The following TIMM22 variants were observed in gnomAD, a reference collection of about 807,000 sequenced individuals.
The protein encoded by TIMM22 is translocase of inner mitochondrial membrane 22.
A neutral mutation model predicts 18.3 loss-of-function variants in TIMM22; 12 were observed. That is an observed-to-expected ratio of 0.65 (90% CI 0.42 to 1.06). The LOEUF (loss-of-function observed/expected upper bound fraction) is 1.06. Among genes scored for constraint, TIMM22 ranks in the 50% least tolerant of loss-of-function variants. The pLI is 0.00. For missense variants in TIMM22, 278 were observed against 252.8 expected (o/e 1.10, Z -0.68); for synonymous variants, 107 against 98.5 (o/e 1.09, Z -0.51).
intron 1 of TIMM22, 138 bp from the exon 2 acceptor site, chr17:998,641 G>A (rs762992442): frequency 1.6e-4 from 121 of 774,144 alleles, no homozygotes; most frequent in Non-Finnish European, 2.3e-4. Context: ...CTCCAGGCAA[G>A]TGGAGAGTTT....
At chr17:997,558 A>G (rs2069696457) in intron 1 of TIMM22, among the ~76,000 whole-genome samples, 178 bp downstream of exon 1, 1 of 152,202 alleles carries the variant, frequency 6.6e-6, no homozygotes, top group Non-Finnish European at 1.5e-5. Flanking sequence ...GGCTTTCCTG[A>G]TGAAAATTGG....
Position 999,502 on chromosome 17 carries a change from CT to C in TIMM22, c.436-9del. On this transcript the variant is annotated splice_polypyrimidine_tract_variant and intron_variant, in intron 2 of 3. Transcript: ENST00000327158. The stretch of plus-strand genomic sequence containing the variant: ...TTCTTTGGCTCTAACGTGTACTTCC[CT>C]GCCCACAGTACCGGGGAACATCAGA... The C allele has an allele frequency of 6.2e-7, 1 of 1,613,250 alleles. No homozygotes were observed. Among genetic ancestry groups the C allele is most frequent in the Non-Finnish European group, 8.5e-7 (1 of 1,179,636 alleles).
At chr17:998,679 A>G (rs895790594) in intron 1 of TIMM22, 100 bp from the exon 2 acceptor site, 1 of 1,315,320 alleles carries the variant, frequency 7.6e-7, no homozygotes, top group Non-Finnish European at 1.0e-6. Context: ...TGTCCTCTGC[A>G]CCGGTGGTCA....
chr17:1,000,892 TTGAA>T, intron 3 of TIMM22, 116 bp from the exon 4 acceptor site: 1 of 953,038 alleles, frequency 1.0e-6, no homozygotes, highest in Non-Finnish European at 1.7e-6. Context: ...CTATGATCGT[TTGAA>T]TGACTTACAG....
At position 1,001,665 on chromosome 17, in the gene TIMM22, A is replaced by G. The variant is rs2069749659; in HGVS notation, c.*577A>G. The G allele has an allele frequency of 6.5e-6, 1 of 152,746 alleles. No homozygotes were observed. The highest frequency in any genetic ancestry group is 2.4e-5 in the African/African-American group (1 of 41,400). The allele number at this position is 152,746 out of a possible 1,614,324, so 9.5% of individuals were successfully genotyped here. A position where few individuals can be genotyped will look rare whatever the true frequency, so the allele number is the denominator to read the frequency against. On this transcript the variant is annotated 3_prime_UTR_variant, in exon 4 of 4. Coordinates refer to ENST00000327158, the MANE Select transcript of TIMM22 (RefSeq NM_013337.4). ...TGGTTTATTTGTATTTTATTTTCAA[A>G]TTCCCTATTCCAAAAATAGTGCCGG...
In TIMM22 at chr17:997,136, G is replaced by A. The variant is rs543217051; in HGVS notation, c.-7G>A. The A allele has an allele frequency of 2.2e-5, 35 of 1,608,274 alleles. No individual in the cohort carries two copies. The highest frequency in any genetic ancestry group is 1.6e-4 in the East Asian group (7 of 44,812). ...AGGACGCGAGGGTTGCTTGGGCAGC[G>A]ACTGTCATGGCGGCGGCCGCCCCCA... On this transcript the variant is annotated 5_prime_UTR_variant, in exon 1 of 4. Transcript: ENST00000327158.
At chr17:999,049 TA>T in intron 2 of TIMM22, 74 bp downstream of exon 2, 1 of 1,479,330 alleles carries the variant, frequency 6.8e-7, no homozygotes, top group Non-Finnish European at 9.1e-7. Flanking sequence ...AATTGCTCTT[TA>T]AAAGTCATTT....
In TIMM22 at chr17:1,000,176, G is replaced by A. The variant is rs548336218; in HGVS notation, c.508+592G>A. On this transcript the variant is annotated intron_variant, in intron 3 of 3. Coordinates refer to ENST00000327158, the MANE Select transcript of TIMM22 (RefSeq NM_013337.4). The stretch of plus-strand genomic sequence containing the variant: ...TGGGATTACAGGCATGAGCCACCAC[G>A]TGTGGCCAACATTTTTCTCAGTAAT... Among the ~76,000 whole-genome samples, 6 of 152,112 alleles carry A rather than the reference G, an allele frequency of 3.9e-5. No individual in the cohort carries two copies. The East Asian group carries it at 7.7e-4, about 20-fold the overall frequency.
intron 2 of TIMM22, 95 bp downstream of exon 2, chr17:999,070 T>C: frequency 1.5e-6 from 2 of 1,355,414 alleles, no homozygotes; most frequent in Non-Finnish European, 2.0e-6. Flanking sequence ...TGAAAGTTGT[T>C]ACTAGAAAGC....
intron 3 of TIMM22, among the ~76,000 whole-genome samples, 185 bp downstream of exon 3, chr17:999,769 G>A (rs2069724581): frequency 2.6e-5 from 4 of 152,018 alleles, no homozygotes; most frequent in East Asian, 1.9e-4. Context: ...GTTTCCCATC[G>A]TTGGCACTAC....
intron 3 of TIMM22, among the ~76,000 whole-genome samples, chr17:1,000,091 A>G (rs1044680137): frequency 1.6e-4 from 24 of 146,084 alleles, no homozygotes; most frequent in Admixed American, 4.8e-4. Context: ...GTAGAGATCA[A>G]TTTCACCTGG....
chr17:999,453 CCTT>C, intron 2 of TIMM22, 56 bp from the exon 3 acceptor site: 1 of 1,584,888 alleles, frequency 6.3e-7, no homozygotes, highest in Non-Finnish European at 8.6e-7. Context: ...GTGTATTCCT[CCTT>C]AATGGTCTGC....
At chr17:1,000,069 T>TTTTTTTTTA (rs879827893) in intron 3 of TIMM22, among the ~76,000 whole-genome samples, 11 of 151,772 alleles carry the variant, frequency 7.2e-5, no homozygotes, top group Non-Finnish European at 1.6e-4. Flanking sequence ...TCAGCTAATT[T>TTTTTTTTTA]TTATTTTTTT....
At chr17:999,356 T>C (rs55776658) in intron 2 of TIMM22, among the ~76,000 whole-genome samples, 156 bp from the exon 3 acceptor site, 6,719 of 113,874 alleles carry the variant, frequency 0.059, 339 homozygotes, top group Middle Eastern at 0.14. Flanking sequence ...TATATATATA[T>C]ATACACGCTG....
chr17:1,002,599 G>GTCTC lies in TIMM22; in HGVS notation c.*1512_*1515dup. Reference sequence around the variant, plus strand: ...TGAATTCTATATAACGCCCCTCCCAGTCTCACAGCTAGGAGGCTTCATCAC... The same window carrying GTCTC: ...TGAATTCTATATAACGCCCCTCCCAGTCTCTCTCACAGCTAGGAGGCTTCATCAC... On this transcript the variant is annotated 3_prime_UTR_variant, in exon 4 of 4. Coordinates refer to ENST00000327158, the MANE Select transcript of TIMM22 (RefSeq NM_013337.4). The GTCTC allele has an allele frequency of 6.6e-6, 1 of 152,284 alleles. No individual in the cohort carries two copies. 9.4% of individuals were successfully genotyped at this position (152,284 alleles called of 1,614,324 possible). A position where few individuals can be genotyped will look rare whatever the true frequency, so the allele number is the denominator to read the frequency against.
rs2150669982 is a variant in TIMM22, at chr17:1,003,407, C to A, written c.*2319C>A. ...CACAGGGAGGCTCAAGGGGAGTGAA[C>A]TAGGTAAACAGATTCCTGGAAACTC... On this transcript the variant is annotated 3_prime_UTR_variant, in exon 4 of 4. Transcript: ENST00000327158. The A allele has an allele frequency of 6.6e-6, 1 of 152,592 alleles. No homozygotes were observed. Among genetic ancestry groups the A allele is most frequent in the South Asian group, 2.1e-4 (1 of 4,832 alleles). The allele number at this position is 152,592 out of a possible 1,614,324, so 9.5% of individuals were successfully genotyped here.
In TIMM22 at chr17:1,002,082, T is replaced by C. The variant is rs2069760925; in HGVS notation, c.*994T>C. ...GTTCTCCAGGGTCAAGGAAGTGTTTTAACATGTCGTGTTTTCGACTTGACC... is the reference window on the plus strand; with the variant it reads ...GTTCTCCAGGGTCAAGGAAGTGTTTCAACATGTCGTGTTTTCGACTTGACC... On this transcript the variant is annotated 3_prime_UTR_variant, in exon 4 of 4. Coordinates refer to ENST00000327158, the MANE Select transcript of TIMM22 (RefSeq NM_013337.4). The C allele has an allele frequency of 6.6e-6, 1 of 152,108 alleles. No individual in the cohort carries two copies. 9.4% of individuals were successfully genotyped at this position (152,108 alleles called of 1,614,324 possible). A position where few individuals can be genotyped will look rare whatever the true frequency, so the allele number is the denominator to read the frequency against.
intron 1 of TIMM22, 26 bp downstream of exon 1, chr17:997,406 G>C: frequency 1.2e-6 from 2 of 1,604,012 alleles, no homozygotes; most frequent in Middle Eastern, 1.7e-4. Context: ...GGGACCCTTG[G>C]GAGGCTGAGG....
Position 1,002,016 on chromosome 17 carries a change from C to CAA in TIMM22, c.*929_*930dup, listed in dbSNP as rs2069758692. On this transcript the variant is annotated 3_prime_UTR_variant, in exon 4 of 4. Coordinates refer to ENST00000327158, the MANE Select transcript of TIMM22 (RefSeq NM_013337.4). ...TGACTCGGTCACAGCAGCTACTGGC[C>CAA]AAGATCAGACGTCGCTGAGGGGCTG... The CAA allele has an allele frequency of 6.6e-6, 1 of 152,184 alleles. No individual in the cohort carries two copies. Among genetic ancestry groups the CAA allele is most frequent in the African/African-American group, 2.4e-5 (1 of 41,428 alleles). 9.4% of individuals were successfully genotyped at this position (152,184 alleles called of 1,614,324 possible). A position where few individuals can be genotyped will look rare whatever the true frequency, so the allele number is the denominator to read the frequency against.
Sources: gnomAD v4.1 joint callset for allele counts (sites outside exome capture counted in the v4.1 genomes callset) on GRCh38, gnomAD v4.1.1 for gene constraint, MANE v1.5 for transcripts, NCBI Gene and HGNC (gene_info 2026-07-23, HGNC 2026-07-21) for gene names.